XKR4: variants seen among roughly 807,000 people sequenced by gnomAD.
XKR4 encodes the protein XK related 4, also known as XK-related protein 4.
XKR4 carries 12 observed loss-of-function variants against 53.9 expected under a neutral mutation model. That is an observed-to-expected ratio of 0.22 (90% CI 0.14 to 0.36). The LOEUF (loss-of-function observed/expected upper bound fraction) is 0.36, where lower values mean the gene tolerates loss of function less well. XKR4 is among the 10% of genes least tolerant of loss of function. XKR4 has a pLI of 1.00. For missense variants in XKR4, 799 were observed against 859.5 expected, an observed-to-expected ratio of 0.93 and a Z score of 0.88; for synonymous variants, 354 against 362.4, an observed-to-expected ratio of 0.98 and a Z score of 0.26.
chr8:55,390,209 C>T (rs1251247015), intron 2 of XKR4, among the ~76,000 whole-genome samples: 2 of 152,310 alleles, frequency 1.3e-5, no homozygotes, highest in African/African-American at 4.8e-5. Flanking sequence ...TAGTTAACTT[C>T]TTGACCTTAG....
chr8:55,423,536 T>C (rs1349522639), intron 2 of XKR4, among the ~76,000 whole-genome samples: 2 of 152,226 alleles, frequency 1.3e-5, no homozygotes, highest in African/African-American at 4.8e-5. Flanking sequence ...CTTGATCTGT[T>C]ACTTGATCTT....
intron 1 of XKR4, among the ~76,000 whole-genome samples, chr8:55,262,243 T>C (rs1649780601): frequency 6.6e-6 from 1 of 152,384 alleles, no homozygotes; most frequent in East Asian, 1.9e-4. Context: ...TAGTTATTTA[T>C]ATAAATTGCC....
At chr8:55,296,451 A>G (rs1563318080) in intron 1 of XKR4, among the ~76,000 whole-genome samples, 1 of 152,218 alleles carries the variant, frequency 6.6e-6, no homozygotes, top group Non-Finnish European at 1.5e-5. Context: ...TTACCTGTTA[A>G]GATTCTGAAC....
At chr8:55,305,727 G>C (rs186394625) in intron 1 of XKR4, among the ~76,000 whole-genome samples, 1 of 152,222 alleles carries the variant, frequency 6.6e-6, no homozygotes, top group Non-Finnish European at 1.5e-5. Flanking sequence ...GGGGAAATTA[G>C]CCTAATGAGG....
chr8:55,103,849 TTGTATATATATA>T (rs1177221108), intron 1 of XKR4, among the ~76,000 whole-genome samples: 1 of 61,070 alleles, frequency 1.6e-5, no homozygotes, highest in East Asian at 5.2e-4. Flanking sequence ...GCAAATGACT[TTGTATATATATA>T]TATATATATA....
At chr8:55,271,900 G>T (rs1027899332) in intron 1 of XKR4, among the ~76,000 whole-genome samples, 2 of 152,178 alleles carry the variant, frequency 1.3e-5, no homozygotes, top group African/African-American at 4.8e-5. Context: ...CTGGCTTCCT[G>T]GGTTGCTTAT....
chr8:55,295,803 C>T lies in XKR4; in HGVS notation c.807-61875C>T, dbSNP rs144013526. 7.3e-4 allele frequency among the ~76,000 whole-genome samples: 108 copies of T among 148,458 alleles called. 1 individual carries two copies. In the Middle Eastern group the frequency reaches 0.01, roughly 14 times the overall value. On this transcript the variant is annotated intron_variant, in intron 1 of 2. Transcript: ENST00000327381. ...ATACTAATTATCTGTCTACTCTTGA[C>T]GAGCTTATAAATGGGGGGTAGATTT...
intron 2 of XKR4, among the ~76,000 whole-genome samples, chr8:55,447,077 G>C (rs1449639989): frequency 1.3e-5 from 2 of 151,094 alleles, no homozygotes; most frequent in Non-Finnish European, 2.9e-5. Context: ...AAAAAGCAGA[G>C]GTTAGGAGTG....
At chr8:55,459,708 G>A (rs755463166) in intron 2 of XKR4, among the ~76,000 whole-genome samples, 3 of 152,002 alleles carry the variant, frequency 2.0e-5, no homozygotes, top group East Asian at 3.8e-4. Flanking sequence ...TTAGTAACTA[G>A]GGAAAAGTAA....
intron 1 of XKR4, among the ~76,000 whole-genome samples, chr8:55,106,529 A>T (rs139818233): frequency 1.3e-4 from 20 of 152,286 alleles, no homozygotes; most frequent in African/African-American, 4.1e-4. Context: ...TATTTTTCTC[A>T]TATGATTCCA....
Position 55,523,470 on chromosome 8 carries a change from T to C in XKR4, c.1196T>C (p.Leu399Pro). 1 of 1,614,236 alleles carries C rather than the reference T, an allele frequency of 6.2e-7. No individual in the cohort carries two copies. The highest frequency in any genetic ancestry group is 8.5e-7 in the Non-Finnish European group (1 of 1,180,046). ...GCCCTCTTTGCCTCGGTTTTCCAGC[T>C]GTACTTTGGGATCTTCATCGTCCTT... ...TFALFASVFQ[L>P]YFGIFIVLHW... The change falls in exon 3 of 3, where the codon CTG becomes CCG. Residue 399 changes from leucine (L) to proline (P), a missense_variant. Physicochemically the swap from Leu to Pro is moderately conservative, Grantham distance 98. This residue lies in a region of XKR4 where 54 missense variants were observed against 89.7 expected (regional missense o/e 0.60). Transcript: ENST00000327381.
At position 55,531,032 on chromosome 8, in the gene XKR4, C is replaced by T. The variant is rs1473696755; in HGVS notation, c.*6805C>T. ...CAGCTCTTACTCTTTTCTACTCTAC[C>T]ACACTGTTTCTTCTCTTCTCAATAT... On this transcript the variant is annotated 3_prime_UTR_variant, in exon 3 of 3. Coordinates refer to ENST00000327381, the MANE Select transcript of XKR4 (RefSeq NM_052898.2). The T allele has an allele frequency of 6.6e-6, 1 of 152,210 alleles. No homozygotes were observed. The highest frequency in any genetic ancestry group is 1.9e-4 in the East Asian group (1 of 5,198). 9.4% of individuals were successfully genotyped at this position (152,210 alleles called of 1,614,324 possible).
Position 55,458,949 on chromosome 8 carries a change from G to C in XKR4, c.1007-64332G>C, listed in dbSNP as rs543951951. Among the ~76,000 whole-genome samples the C allele has an allele frequency of 2.6e-5, 4 of 152,284 alleles. No homozygotes were observed. In the East Asian group the frequency reaches 7.7e-4, roughly 29 times the overall value. On this transcript the variant is annotated intron_variant, in intron 2 of 2. Coordinates refer to ENST00000327381, the MANE Select transcript of XKR4 (RefSeq NM_052898.2). ...GGGTCACAGGTCCAGGCTTGAGGGGGAGACCTCACCAGCGACCCCACCCTT... is the reference window on the plus strand; with the variant it reads ...GGGTCACAGGTCCAGGCTTGAGGGGCAGACCTCACCAGCGACCCCACCCTT...
At chr8:55,312,169 T>G (rs1297854575) in intron 1 of XKR4, among the ~76,000 whole-genome samples, 1 of 147,182 alleles carries the variant, frequency 6.8e-6, no homozygotes, top group Non-Finnish European at 1.5e-5. Context: ...GTTTTTGCCT[T>G]TATTCACTCT....
intron 1 of XKR4, among the ~76,000 whole-genome samples, chr8:55,216,344 C>T (rs56966564): frequency 0.22 from 33,296 of 152,034 alleles, 4,394 homozygotes; most frequent in East Asian, 0.48. Flanking sequence ...TGCTATCAAG[C>T]CCTAGTGACC....
rs1459447747 is a variant in XKR4 at position 55,102,869 on chromosome 8, C to A, written c.381C>A (p.Gly127=). The change falls in exon 1 of 3, where the codon GGC becomes GGA. Residue 127 remains glycine (G), a synonymous_variant. Coordinates refer to ENST00000327381, the MANE Select transcript of XKR4 (RefSeq NM_052898.2). The surrounding 1 kb of genome is among the most constrained non-coding windows in gnomAD (Gnocchi z 5.1). ...TGGCCGTGTACTTCGCGGACGTGGG[C>A]ACAGACGTCTGGCTCGCCGTGGACT... is the stretch of plus-strand genomic sequence containing the variant. ...AAVAVYFADV[G]TDVWLAVDYY... 2 of 1,612,004 alleles carry A rather than the reference C, an allele frequency of 1.2e-6. No homozygotes were observed. The highest frequency in any genetic ancestry group is 1.7e-6 in the Non-Finnish European group (2 of 1,179,944).
intron 2 of XKR4, among the ~76,000 whole-genome samples, chr8:55,482,044 G>T (rs2129401298): frequency 6.6e-6 from 1 of 152,294 alleles, no homozygotes; most frequent in African/African-American, 2.4e-5. Context: ...TCCCATTACT[G>T]AGTATATACC....
intron 1 of XKR4, among the ~76,000 whole-genome samples, chr8:55,128,618 G>A (rs1339058796): frequency 1.3e-5 from 2 of 152,204 alleles, no homozygotes; most frequent in African/African-American, 2.4e-5. Flanking sequence ...AAAAGTAGCT[G>A]AGTCTGTCTT....
intron 2 of XKR4, among the ~76,000 whole-genome samples, chr8:55,384,924 A>G (rs1804287777): frequency 1.3e-5 from 2 of 152,232 alleles, no homozygotes; most frequent in South Asian, 4.1e-4. Context: ...TCTCATGGCT[A>G]AAAATACAGC....
Sources: allele counts gnomAD v4.1 joint callset (sites outside exome capture counted in the v4.1 genomes callset), GRCh38; gene constraint gnomAD v4.1.1; regional missense constraint gnomAD v4.1.1; non-coding constraint Gnocchi (gnomAD v3.1); transcripts MANE v1.5; gene names NCBI Gene and HGNC (gene_info 2026-07-23, HGNC 2026-07-21).